The following MCF2L2 variants were observed in gnomAD, a reference collection of about 807,000 sequenced individuals.
The protein encoded by MCF2L2 is MCF.2 cell line derived transforming sequence-like 2.
Under a neutral mutation model 150.2 loss-of-function variants are expected in MCF2L2, and 102 were observed. The observed-to-expected ratio is 0.68, with a 90% CI of 0.58 to 0.80. The LOEUF is 0.80. Among genes scored for constraint, MCF2L2 ranks in the 30% least tolerant of loss-of-function variants. The probability of loss-of-function intolerance (pLI) is 0.00; values close to 1 mark genes in which losing one functional copy is unlikely to be tolerated. For synonymous variants in MCF2L2, 465 were observed against 491.3 expected (o/e 0.95, Z 0.71); for missense variants, 1,256 against 1,372.8 (o/e 0.91, Z 1.34).
intron 15 of MCF2L2, chr3:183,272,462 A>C: frequency 1.0e-6 from 1 of 999,812 alleles, no homozygotes. Context: ...AGTATACACA[A>C]CTGAATGATG....
intron 3 of MCF2L2, among the ~76,000 whole-genome samples, chr3:183,369,614 G>A (rs901469804): frequency 6.6e-6 from 1 of 152,064 alleles, no homozygotes; most frequent in African/African-American, 2.4e-5. Context: ...ATAAATTCCT[G>A]TTCCCTCTAG....
Position 183,389,763 on chromosome 3 carries a change from C to G in MCF2L2, c.93G>C (p.Gln31His). Residue 31 changes from glutamine to histidine, a missense_variant, in exon 2 of 30, where the codon CAG becomes CAC. By Grantham distance (24) the Gln-to-His change is conservative (BLOSUM62 0). Coordinates refer to ENST00000328913, the MANE Select transcript of MCF2L2 (RefSeq NM_015078.4). ...CCACCGCCATCAGGGGTCTGACTTC[C>G]TGCTGCATAATTTCATCTGCACAAA... Reference protein sequence around the residue: ...VITHVDEIMQQEVRPLMAVEI... With the variant: ...VITHVDEIMQHEVRPLMAVEI... 6.2e-7 allele frequency: 1 copy of G among 1,613,994 alleles called. No homozygotes were observed. Among genetic ancestry groups the G allele is most frequent in the Non-Finnish European group, 8.5e-7 (1 of 1,179,854 alleles).
chr3:183,199,498 T>C (rs949713870), intron 25 of MCF2L2, among the ~76,000 whole-genome samples: 1 of 152,124 alleles, frequency 6.6e-6, no homozygotes, highest in African/African-American at 2.4e-5. Context: ...GTACAGTGTG[T>C]GACATCAGTG....
intron 14 of MCF2L2, among the ~76,000 whole-genome samples, chr3:183,279,156 A>AACACAC (rs374605194): frequency 3.3e-4 from 49 of 150,260 alleles, no homozygotes; most frequent in African/African-American, 1.1e-3. Context: ...AGAAGTACAT[A>AACACAC]ACACACACAC....
At chr3:183,233,322 A>T (rs1021111935) in intron 15 of MCF2L2, among the ~76,000 whole-genome samples, 1 of 151,150 alleles carries the variant, frequency 6.6e-6, no homozygotes, top group Non-Finnish European at 1.5e-5. Context: ...ATTGCACTCC[A>T]GCCTGGGCAA....
Position 183,223,328 on chromosome 3 carries a change from C to T in MCF2L2, c.2301+18G>A. On this transcript the variant is annotated intron_variant, in intron 20 of 29. Coordinates refer to ENST00000328913, the MANE Select transcript of MCF2L2 (RefSeq NM_015078.4). ...TCTGGTTTCCCACCAAGGAAAAGCA[C>T]TGTCTCATTGATTTTACCTTCAACA... The T allele has an allele frequency of 6.3e-7, 1 of 1,587,012 alleles. No individual in the cohort carries two copies. The highest frequency in any genetic ancestry group is 8.7e-7 in the Non-Finnish European group (1 of 1,155,180).
intron 1 of MCF2L2, among the ~76,000 whole-genome samples, chr3:183,406,417 T>C (rs574898086): frequency 6.6e-6 from 1 of 152,200 alleles, no homozygotes; most frequent in African/African-American, 2.4e-5. Flanking sequence ...GTCATTTGAG[T>C]ATTTTATTAC....
chr3:183,423,065 G>A (rs566686567), intron 1 of MCF2L2, among the ~76,000 whole-genome samples: 71 of 152,268 alleles, frequency 4.7e-4, no homozygotes, highest in Non-Finnish European at 7.6e-4. Context: ...AGTAGCCCTT[G>A]AAGAGTCTGT....
At chr3:183,185,322 C>A (rs1036144890) in intron 27 of MCF2L2, among the ~76,000 whole-genome samples, 1 of 152,252 alleles carries the variant, frequency 6.6e-6, no homozygotes, top group African/African-American at 2.4e-5. Flanking sequence ...AATGCCTAAA[C>A]CCCCTGGGCT....
intron 14 of MCF2L2, among the ~76,000 whole-genome samples, chr3:183,277,323 C>T (rs942540325): frequency 4.9e-5 from 7 of 143,412 alleles, no homozygotes; most frequent in Non-Finnish European, 8.9e-5. Context: ...AGCAACAGAG[C>T]GAGATGCCAT....
At chr3:183,371,076 G>A (rs1401816046) in intron 3 of MCF2L2, among the ~76,000 whole-genome samples, 3 of 152,182 alleles carry the variant, frequency 2.0e-5, no homozygotes, top group Admixed American at 2.0e-4. Flanking sequence ...CCAGTCCAGC[G>A]AAAACCACAC....
At chr3:183,250,451 G>A (rs138009304) in intron 15 of MCF2L2, among the ~76,000 whole-genome samples, 38 of 152,246 alleles carry the variant, frequency 2.5e-4, no homozygotes, top group Admixed American at 1.1e-3. Flanking sequence ...GCCAGGTGTG[G>A]TGGTGCATGA....
At chr3:183,397,303 T>C (rs1484263126) in intron 1 of MCF2L2, among the ~76,000 whole-genome samples, 1 of 152,216 alleles carries the variant, frequency 6.6e-6, no homozygotes, top group East Asian at 1.9e-4. Context: ...AAGGACTTCC[T>C]CTCTGCTTCC....
chr3:183,303,800 C>T (rs1728970791), intron 10 of MCF2L2, among the ~76,000 whole-genome samples: 1 of 152,116 alleles, frequency 6.6e-6, no homozygotes, highest in Non-Finnish European at 1.5e-5. Flanking sequence ...CTACATCACT[C>T]CCAAGCTTCA....
intron 3 of MCF2L2, among the ~76,000 whole-genome samples, chr3:183,359,144 T>C (rs754512945): frequency 2.0e-5 from 3 of 152,096 alleles, no homozygotes; most frequent in Non-Finnish European, 2.9e-5. Flanking sequence ...ATATCACTGT[T>C]TTGCACTATT....
At chr3:183,408,471 G>T (rs1011234135) in intron 1 of MCF2L2, among the ~76,000 whole-genome samples, 1 of 152,188 alleles carries the variant, frequency 6.6e-6, no homozygotes, top group Admixed American at 6.5e-5. Context: ...GTGGTGGCCT[G>T]GTTCTGGCCC....
In MCF2L2 at chr3:183,230,285, C is replaced by T. The variant is rs142613518; in HGVS notation, c.1930-504G>A. Among the ~76,000 whole-genome samples, 1,035 of 152,060 alleles carry T rather than the reference C, an allele frequency of 6.8e-3. 8 individuals carry two copies. The highest frequency in any genetic ancestry group is 0.024 in the African/African-American group (991 of 41,472). ...CACACCACCACACCTGGCTAATTTT[C>T]GTATTTTTAGTAGAGACAGGGTTTC... On this transcript the variant is annotated intron_variant, in intron 16 of 29. Coordinates refer to ENST00000328913, the MANE Select transcript of MCF2L2 (RefSeq NM_015078.4).
At chr3:183,312,943 C>T (rs547062294) in intron 7 of MCF2L2, among the ~76,000 whole-genome samples, 4 of 152,234 alleles carry the variant, frequency 2.6e-5, no homozygotes, top group Non-Finnish European at 5.9e-5. Context: ...CAGTGCCCCA[C>T]ATTAGCCACA....
chr3:183,221,471 C>A (rs2108661680), intron 20 of MCF2L2, among the ~76,000 whole-genome samples: 1 of 152,280 alleles, frequency 6.6e-6, no homozygotes, highest in South Asian at 2.1e-4. Context: ...GATTCAGACC[C>A]AGGTTGTTAA....
Sources: allele counts gnomAD v4.1 joint callset (sites outside exome capture counted in the v4.1 genomes callset), GRCh38; gene constraint gnomAD v4.1.1; transcripts MANE v1.5; gene names NCBI Gene and HGNC (gene_info 2026-07-23, HGNC 2026-07-21).